The following C2CD5 variants were observed in gnomAD, a reference collection of about 807,000 sequenced individuals.
C2CD5 encodes the protein C2 calcium dependent domain containing 5, also known as C2 domain-containing protein 5.
A neutral mutation model predicts 130.3 loss-of-function variants in C2CD5; 109 were observed. The observed-to-expected ratio is 0.84, with a 90% CI of 0.72 to 0.98. The LOEUF (loss-of-function observed/expected upper bound fraction) is 0.98. C2CD5 is among the 50% of genes least tolerant of loss of function. C2CD5 has a pLI of 0.00. For synonymous variants in C2CD5, 454 were observed against 429.2 expected (o/e 1.06, Z -0.71); for missense variants, 996 against 1,261.8 (o/e 0.79, Z 3.19).
intron 10 of C2CD5, among the ~76,000 whole-genome samples, chr12:22,504,209 A>T (rs940786597): frequency 6.6e-6 from 1 of 152,126 alleles, no homozygotes; most frequent in Non-Finnish European, 1.5e-5. Context: ...CTCTCTACTT[A>T]AACTTATTTA....
chr12:22,518,716 AG>A (rs1247138270), intron 7 of C2CD5, among the ~76,000 whole-genome samples: 1 of 152,220 alleles, frequency 6.6e-6, no homozygotes, highest in African/African-American at 2.4e-5. Context: ...CTACTGTAAT[AG>A]GTTTTGTATA....
chr12:22,459,251 T>A (rs867761479), intron 23 of C2CD5, among the ~76,000 whole-genome samples: 3 of 152,066 alleles, frequency 2.0e-5, no homozygotes, highest in Admixed American at 6.6e-5. Flanking sequence ...GGAAAAAAAA[T>A]TTTAAGGAGC....
chr12:22,524,026 G>A (rs946845761), intron 6 of C2CD5, among the ~76,000 whole-genome samples: 1 of 151,330 alleles, frequency 6.6e-6, no homozygotes, highest in African/African-American at 2.4e-5. Flanking sequence ...AAGGGAATGA[G>A]GTCAGAGTGG....
At chr12:22,458,372 T>C (rs1020013939) in intron 24 of C2CD5, 112 bp downstream of exon 24, 1 of 431,454 alleles carries the variant, frequency 2.3e-6, no homozygotes, top group Non-Finnish European at 3.9e-6. Flanking sequence ...CACACTCTAA[T>C]ACATGATGGA....
chr12:22,459,451 T>G, intron 23 of C2CD5, 41 bp downstream of exon 23: 1 of 1,339,218 alleles, frequency 7.5e-7, no homozygotes, highest in Non-Finnish European at 1.0e-6. Flanking sequence ...AACTAGAATT[T>G]TACACCTTTG....
chr12:22,513,818 T>C (rs1191733306), intron 8 of C2CD5, among the ~76,000 whole-genome samples: 1 of 152,116 alleles, frequency 6.6e-6, no homozygotes, highest in Non-Finnish European at 1.5e-5. Context: ...ACTGAAAATA[T>C]TCCAAAATTC....
intron 3 of C2CD5, among the ~76,000 whole-genome samples, chr12:22,530,959 T>C (rs1028116279): frequency 3.3e-5 from 5 of 152,314 alleles, no homozygotes; most frequent in African/African-American, 1.2e-4. Context: ...ACATGAAGCT[T>C]GCCTCCTCCC....
chr12:22,529,901 TA>T (rs1565801648), intron 3 of C2CD5, among the ~76,000 whole-genome samples: 1 of 151,798 alleles, frequency 6.6e-6, no homozygotes, highest in East Asian at 1.9e-4. Flanking sequence ...CTCCAGGTGC[TA>T]AACTGGAGCC....
At chr12:22,540,863 AAAT>A (rs1409405604) in intron 2 of C2CD5, among the ~76,000 whole-genome samples, 1 of 152,210 alleles carries the variant, frequency 6.6e-6, no homozygotes, top group South Asian at 2.1e-4. Context: ...TATCTCAAAA[AAAT>A]AATAATGATA....
intron 16 of C2CD5, among the ~76,000 whole-genome samples, chr12:22,474,299 G>A (rs964096574): frequency 6.6e-6 from 1 of 152,022 alleles, no homozygotes; most frequent in Non-Finnish European, 1.5e-5. Context: ...AGTGTTCTTA[G>A]TATCTTTTTA....
At chr12:22,532,641 A>G (rs1951407642) in intron 3 of C2CD5, among the ~76,000 whole-genome samples, 1 of 152,180 alleles carries the variant, frequency 6.6e-6, no homozygotes, top group South Asian at 2.1e-4. Flanking sequence ...CCTAATATAA[A>G]CCATAAGCAA....
chr12:22,536,891 AAAGG>A lies in C2CD5; in HGVS notation c.91-1551_91-1548del, dbSNP rs145976402. Among the ~76,000 whole-genome samples the A allele has an allele frequency of 6.8e-3, 1,040 of 152,324 alleles. 6 individuals are homozygous for A. Among genetic ancestry groups the A allele is most frequent in the African/African-American group, 0.024 (998 of 41,562 alleles). On this transcript the variant is annotated intron_variant, in intron 2 of 26. Transcript: ENST00000446597. ...TAAAGAAATGAAACTTAATGAGGAA[AAAGG>A]AAGAATAGAGGTTCTTGTTTAATTA...
intron 23 of C2CD5, 133 bp downstream of exon 23, chr12:22,459,357 CAA>C (rs148077355): frequency 5.9e-3 from 2,432 of 415,068 alleles, no homozygotes; most frequent in Non-Finnish European, 7.4e-3. Flanking sequence ...ATTCTACCTA[CAA>C]AAAAAAAAAA....
intron 5 of C2CD5, among the ~76,000 whole-genome samples, chr12:22,525,303 C>G (rs1950626668): frequency 6.6e-6 from 1 of 152,090 alleles, no homozygotes; most frequent in African/African-American, 2.4e-5. Context: ...CCCATAAAAG[C>G]CTGTGTATTT....
chr12:22,489,273 T>C (rs1021027385), intron 12 of C2CD5, among the ~76,000 whole-genome samples: 9 of 151,826 alleles, frequency 5.9e-5, no homozygotes, highest in Non-Finnish European at 1.3e-4. Context: ...AAATCTGTAT[T>C]ATCCAGGTAG....
intron 22 of C2CD5, among the ~76,000 whole-genome samples, chr12:22,466,550 T>A (rs934131347): frequency 1.3e-5 from 2 of 152,158 alleles, no homozygotes; most frequent in African/African-American, 2.4e-5. Context: ...AATTACTCCA[T>A]TTTTAAGACT....
At chr12:22,457,625 A>G (rs928335570) in intron 24 of C2CD5, among the ~76,000 whole-genome samples, 2 of 152,174 alleles carry the variant, frequency 1.3e-5, no homozygotes, top group African/African-American at 2.4e-5. Context: ...GGTTTTTTCC[A>G]AACCTTTTTG....
At chr12:22,534,905 T>C (rs1351694034) in intron 3 of C2CD5, 2 of 163,088 alleles carry the variant, frequency 1.2e-5, no homozygotes, top group Non-Finnish European at 2.6e-5. Flanking sequence ...CACTTACAAA[T>C]GATTTAAATG....
chr12:22,456,837 A>G (rs375724005), intron 25 of C2CD5, 134 bp downstream of exon 25: 79 of 555,062 alleles, frequency 1.4e-4, no homozygotes, highest in African/African-American at 1.4e-3. Context: ...TAAACTCTAG[A>G]CTCAATCCAG....
Sources: allele counts gnomAD v4.1 joint callset (sites outside exome capture counted in the v4.1 genomes callset), GRCh38; gene constraint gnomAD v4.1.1; transcripts MANE v1.5; gene names NCBI Gene and HGNC (gene_info 2026-07-23, HGNC 2026-07-21).